Variants in COL9A1 observed in about 807,000 individuals in gnomAD.
COL9A1 encodes the protein collagen alpha-1(IX) chain.
COL9A1 carries 104 observed loss-of-function variants against 142.6 expected under a neutral mutation model. The observed-to-expected ratio is 0.73, with a 90% confidence interval of 0.62 to 0.86. COL9A1 has a LOEUF of 0.86. COL9A1 is among the 40% of genes least tolerant of loss of function. The pLI is 0.00. For missense variants in COL9A1, 1,210 were observed against 1,176.6 expected, an observed-to-expected ratio of 1.03 and a Z score of -0.42; for synonymous variants, 466 against 396.0, an observed-to-expected ratio of 1.18 and a Z score of -2.10.
At chr6:70,298,708 G>A (rs748939524) in intron 4 of COL9A1, among the ~76,000 whole-genome samples, 2 of 152,058 alleles carry the variant, frequency 1.3e-5, no homozygotes, top group African/African-American at 2.4e-5. Flanking sequence ...GAGAAAATCA[G>A]GTCAGCACTG....
At chr6:70,242,872 A>G (rs549431895) in intron 28 of COL9A1, among the ~76,000 whole-genome samples, 157 bp from the exon 29 acceptor site, 1 of 152,374 alleles carries the variant, frequency 6.6e-6, no homozygotes, top group East Asian at 1.9e-4. Context: ...TTCATCTTGC[A>G]TTGAATGATT....
At chr6:70,242,420 A>G (rs540157900) in intron 29 of COL9A1, among the ~76,000 whole-genome samples, 66 of 152,310 alleles carry the variant, frequency 4.3e-4, no homozygotes, top group African/African-American at 1.5e-3. Flanking sequence ...ACCAGAGGCC[A>G]AATGCAGCAC....
rs201479028 is a variant in COL9A1 at position 70,234,812 on chromosome 6, A to G, written c.2241T>C (p.Pro747=). ...CACTCACCGGAGGGCCCTGGACACC[A>G]GGCAGGCCGGTGGCACCCTGTTCTC... is the stretch of plus-strand genomic sequence containing the variant. The part of the protein sequence containing the change: ...VQGEQGATGL[P]GVQGPPGRAP... Residue 747 remains proline, a synonymous_variant, in exon 34 of 38, where the codon CCT becomes CCC. Coordinates refer to ENST00000357250, the MANE Select transcript of COL9A1 (RefSeq NM_001851.6). 7 of 1,614,132 alleles carry G rather than the reference A, an allele frequency of 4.3e-6. No homozygotes were observed. The South Asian group carries it at 6.6e-5, about 15-fold the overall frequency.
chr6:70,225,577 C>A (rs1298005001), intron 37 of COL9A1, among the ~76,000 whole-genome samples: 6 of 143,978 alleles, frequency 4.2e-5, no homozygotes, highest in African/African-American at 1.3e-4. Flanking sequence ...ACTGCTCTGG[C>A]ATTTTAGATT....
intron 4 of COL9A1, among the ~76,000 whole-genome samples, chr6:70,298,478 A>G (rs550604170): frequency 8.5e-4 from 129 of 152,066 alleles, no homozygotes; most frequent in African/African-American, 3.0e-3. Context: ...TTCTTTCCTT[A>G]TCTTTTAACA....
intron 35 of COL9A1, among the ~76,000 whole-genome samples, chr6:70,233,289 C>T (rs1281354431): frequency 6.6e-6 from 1 of 152,170 alleles, no homozygotes; most frequent in Non-Finnish European, 1.5e-5. Context: ...TGAAATATCC[C>T]CAGGAGTCAC....
At chr6:70,296,677 C>G (rs1006181355) in intron 4 of COL9A1, among the ~76,000 whole-genome samples, 5 of 152,066 alleles carry the variant, frequency 3.3e-5, no homozygotes, top group Non-Finnish European at 5.9e-5. Context: ...GTTTGTACAT[C>G]TTACCTAACT....
chr6:70,221,502 A>C (rs770088197), intron 37 of COL9A1, among the ~76,000 whole-genome samples: 11 of 152,220 alleles, frequency 7.2e-5, no homozygotes, highest in Non-Finnish European at 1.5e-4. Context: ...CCCAGAACTG[A>C]ATGTGTGCGT....
chr6:70,289,071 A>T (rs186487896), intron 5 of COL9A1, among the ~76,000 whole-genome samples: 1 of 152,234 alleles, frequency 6.6e-6, no homozygotes, highest in East Asian at 1.9e-4. Flanking sequence ...TTTGATCATT[A>T]TTTGTGGCAA....
rs145800598 is a variant in COL9A1 at position 70,281,435 on chromosome 6, G to A, written c.831C>T (p.Pro277=). The stretch of plus-strand genomic sequence containing the variant: ...GAACTCCAGGGGGGCCCGGAGGCCC[G>A]GGAGGACCCTGCTCACCCGGGGGAC... ...ERGPPGEQGP[P]GPPGPPGVPG... The change falls in exon 8 of 38, where the codon CCC becomes CCT. Residue 277 remains proline (P), a synonymous_variant. Transcript: ENST00000357250. 2 of 1,613,132 alleles carry A rather than the reference G, an allele frequency of 1.2e-6. No individual in the cohort carries two copies. Among genetic ancestry groups the A allele is most frequent in the Non-Finnish European group, 1.7e-6 (2 of 1,179,786 alleles).
intron 35 of COL9A1, among the ~76,000 whole-genome samples, chr6:70,234,304 C>CAAA (rs55719911): frequency 2.3e-4 from 33 of 143,822 alleles, no homozygotes; most frequent in Admixed American, 1.2e-3. Flanking sequence ...CAAAACAAAA[C>CAAA]AAAAAAAAGG....
intron 36 of COL9A1, among the ~76,000 whole-genome samples, chr6:70,227,797 T>C (rs1016768971): frequency 6.6e-6 from 1 of 152,154 alleles, no homozygotes; most frequent in African/African-American, 2.4e-5. Context: ...TAGAACACTA[T>C]GCAGCTGTGA....
At chr6:70,251,563 T>G (rs1273334382) in intron 28 of COL9A1, among the ~76,000 whole-genome samples, 2 of 152,132 alleles carry the variant, frequency 1.3e-5, no homozygotes, top group African/African-American at 4.8e-5. Context: ...AATTAACTAT[T>G]TATTTTTAAA....
At chr6:70,235,092 G>A in intron 33 of COL9A1, 152 bp from the exon 34 acceptor site, 1 of 910,098 alleles carries the variant, frequency 1.1e-6, no homozygotes, top group Non-Finnish European at 1.7e-6. Context: ...TTCACTGCAA[G>A]GTGAAGACAC....
intron 5 of COL9A1, among the ~76,000 whole-genome samples, chr6:70,287,862 T>C (rs1773515752): frequency 6.6e-6 from 1 of 152,194 alleles, no homozygotes; most frequent in African/African-American, 2.4e-5. Context: ...GATCCCTCCT[T>C]CTTAATCTCT....
At chr6:70,291,690 TG>T (rs1351673369) in intron 5 of COL9A1, among the ~76,000 whole-genome samples, 9 of 152,212 alleles carry the variant, frequency 5.9e-5, no homozygotes, top group Admixed American at 5.9e-4. Context: ...AAAATTTATT[TG>T]GTTTTTCCTG....
intron 5 of COL9A1, among the ~76,000 whole-genome samples, chr6:70,291,097 A>T (rs928283835): frequency 6.6e-6 from 1 of 152,076 alleles, no homozygotes; most frequent in Admixed American, 6.6e-5. Flanking sequence ...ATTTCAACCA[A>T]ACTGGTGAGA....
intron 20 of COL9A1, among the ~76,000 whole-genome samples, chr6:70,259,756 C>G (rs1771553929): frequency 6.6e-6 from 1 of 152,162 alleles, no homozygotes; most frequent in Admixed American, 6.5e-5. Flanking sequence ...TTTGTCTTGC[C>G]CAATAAATAA....
At chr6:70,285,633 C>T (rs1298294330) in intron 5 of COL9A1, among the ~76,000 whole-genome samples, 1 of 152,172 alleles carries the variant, frequency 6.6e-6, no homozygotes, top group Admixed American at 6.5e-5. Context: ...ACTAAGGAAA[C>T]ATTCTGGTGA....
Sources: gnomAD v4.1 joint callset for allele counts (sites outside exome capture counted in the v4.1 genomes callset) on GRCh38, gnomAD v4.1.1 for gene constraint, MANE v1.5 for transcripts, NCBI Gene and HGNC (gene_info 2026-07-23, HGNC 2026-07-21) for gene names.